The following LRRC4C variants were observed in gnomAD, a reference collection of about 807,000 sequenced individuals.
LRRC4C encodes the protein leucine rich repeat containing 4C, also known as leucine-rich repeat-containing protein 4C.
Under a neutral mutation model 33.6 loss-of-function variants are expected in LRRC4C, and 5 were observed. The ratio of observed to expected loss-of-function variants is 0.15; its 90% CI spans 0.08 to 0.31. The LOEUF is 0.31. LRRC4C is among the 10% of genes least tolerant of loss of function. The probability of loss-of-function intolerance (pLI) is 1.00; values close to 1 mark genes in which losing one functional copy is unlikely to be tolerated. For synonymous variants in LRRC4C, 329 were observed against 302.0 expected (o/e 1.09, Z -0.93); for missense variants, 560 against 796.7 (o/e 0.70, Z 3.58).
intron 2 of LRRC4C, among the ~76,000 whole-genome samples, chr11:40,726,414 G>A (rs1248686973): frequency 2.0e-5 from 3 of 152,156 alleles, no homozygotes; most frequent in Non-Finnish European, 2.9e-5. Context: ...ACAATTGCTA[G>A]CAAACTGAAT....
chr11:41,311,385 G>GA (rs1950639188), intron 1 of LRRC4C, among the ~76,000 whole-genome samples: 2 of 151,608 alleles, frequency 1.3e-5, no homozygotes, highest in Admixed American at 6.6e-5. Context: ...TTATTTTATT[G>GA]AAAAAAATAA....
chr11:40,472,197 G>A (rs896675663), intron 3 of LRRC4C, among the ~76,000 whole-genome samples: 8 of 151,908 alleles, frequency 5.3e-5, no homozygotes, highest in East Asian at 2.0e-4. Context: ...GGAGACTGGC[G>A]TGAACCTGGG....
intron 3 of LRRC4C, among the ~76,000 whole-genome samples, chr11:40,404,914 CT>C (rs1949903823): frequency 6.6e-6 from 1 of 151,932 alleles, no homozygotes; most frequent in African/African-American, 2.4e-5. Context: ...TATCCATCAT[CT>C]TAAATAGTTT....
intron 1 of LRRC4C, among the ~76,000 whole-genome samples, chr11:40,952,915 CTCTCTCTCTT>C (rs1265847336): frequency 3.3e-5 from 5 of 150,790 alleles, no homozygotes; most frequent in Admixed American, 1.3e-4. Flanking sequence ...CTCTCTCTCT[CTCTCTCTCTT>C]TCTCTCTTTT....
intron 5 of LRRC4C, among the ~76,000 whole-genome samples, chr11:40,181,866 C>T (rs934291795): frequency 6.6e-6 from 1 of 152,172 alleles, no homozygotes; most frequent in African/African-American, 2.4e-5. Flanking sequence ...TACCCCGGGA[C>T]TCAGAGTCTG....
intron 4 of LRRC4C, among the ~76,000 whole-genome samples, chr11:40,283,792 C>G (rs1449915859): frequency 6.9e-6 from 1 of 145,702 alleles, no homozygotes; most frequent in Non-Finnish European, 1.5e-5. Context: ...ACAACCTCTG[C>G]CTCCTGGGTT....
At chr11:41,048,092 C>CT (rs915862866) in intron 1 of LRRC4C, among the ~76,000 whole-genome samples, 4 of 152,164 alleles carry the variant, frequency 2.6e-5, no homozygotes, top group East Asian at 1.9e-4. Context: ...AGAATAAATA[C>CT]TTTTTTTACC....
intron 4 of LRRC4C, among the ~76,000 whole-genome samples, chr11:40,316,048 A>G (rs1315734160): frequency 6.6e-6 from 1 of 151,970 alleles, no homozygotes; most frequent in Admixed American, 6.5e-5. Flanking sequence ...TAACTATTTT[A>G]GCCACTACCA....
chr11:40,334,668 A>G (rs966765276), intron 3 of LRRC4C, among the ~76,000 whole-genome samples: 3 of 152,206 alleles, frequency 2.0e-5, no homozygotes, highest in African/African-American at 7.2e-5. Context: ...ATATACATAC[A>G]TATGCATATG....
chr11:40,291,059 C>A (rs1290898261), intron 4 of LRRC4C, among the ~76,000 whole-genome samples: 2 of 152,076 alleles, frequency 1.3e-5, no homozygotes, highest in East Asian at 3.9e-4. Context: ...CTTCTCTAGG[C>A]CTCAGTTTCC....
At chr11:41,416,739 T>C (rs977541022) in intron 1 of LRRC4C, among the ~76,000 whole-genome samples, 3 of 152,052 alleles carry the variant, frequency 2.0e-5, no homozygotes, top group Non-Finnish European at 4.4e-5. Context: ...TTTCTTATTT[T>C]AGAAAGTGTA....
At chr11:40,182,491 A>G (rs1272849602) in intron 5 of LRRC4C, among the ~76,000 whole-genome samples, 1 of 152,252 alleles carries the variant, frequency 6.6e-6, no homozygotes, top group African/African-American at 2.4e-5. Context: ...TATTTTATGA[A>G]CTAAATGCCA....
intron 1 of LRRC4C, among the ~76,000 whole-genome samples, chr11:41,204,590 C>T (rs938071751): frequency 3.3e-5 from 5 of 152,194 alleles, no homozygotes; most frequent in Non-Finnish European, 7.3e-5. Context: ...TGAAGAAGTC[C>T]ACTCCTAGAG....
chr11:40,202,535 A>G (rs1050096375), intron 5 of LRRC4C, among the ~76,000 whole-genome samples: 1 of 152,142 alleles, frequency 6.6e-6, no homozygotes, highest in Admixed American at 6.5e-5. Flanking sequence ...AAAATGAATG[A>G]GTTGGGCTAG....
At chr11:41,425,393 A>T (rs1416134205) in intron 1 of LRRC4C, among the ~76,000 whole-genome samples, 3 of 152,110 alleles carry the variant, frequency 2.0e-5, no homozygotes, top group Non-Finnish European at 4.4e-5. Context: ...GGACTATTAC[A>T]GACAAATACG....
At chr11:40,476,869 C>A (rs1458067594) in intron 3 of LRRC4C, among the ~76,000 whole-genome samples, 2 of 152,118 alleles carry the variant, frequency 1.3e-5, no homozygotes, top group African/African-American at 2.4e-5. Context: ...TTAAACTACT[C>A]AACTTAGACA....
intron 3 of LRRC4C, among the ~76,000 whole-genome samples, chr11:40,592,465 G>A (rs1479650788): frequency 2.0e-5 from 3 of 152,142 alleles, no homozygotes; most frequent in Non-Finnish European, 2.9e-5. Context: ...AATCCTACTA[G>A]TCTGGGAAGC....
intron 1 of LRRC4C, among the ~76,000 whole-genome samples, chr11:41,096,531 A>C (rs1012796200): frequency 6.6e-6 from 1 of 152,174 alleles, no homozygotes; most frequent in Non-Finnish European, 1.5e-5. Flanking sequence ...CTTTCTCCTG[A>C]GATCATTCAT....
chr11:40,603,768 G>A (rs747631725), intron 3 of LRRC4C, among the ~76,000 whole-genome samples: 31 of 152,166 alleles, frequency 2.0e-4, no homozygotes, highest in Non-Finnish European at 4.0e-4. Flanking sequence ...TTTCAGTTAA[G>A]TGATAATCAT....
Sources: allele counts gnomAD v4.1 joint callset (sites outside exome capture counted in the v4.1 genomes callset), GRCh38; gene constraint gnomAD v4.1.1; transcripts MANE v1.5; gene names NCBI Gene and HGNC (gene_info 2026-07-23, HGNC 2026-07-21).